DYNAP: variants seen among roughly 807,000 people sequenced by gnomAD.
The protein encoded by DYNAP is dynactin associated protein, also known as dynactin-associated protein.
In DYNAP, 7 loss-of-function variants were observed where a neutral mutation model predicts 8.5. The ratio of observed to expected loss-of-function variants is 0.82; its 90% CI spans 0.47 to 1.54. The LOEUF (loss-of-function observed/expected upper bound fraction) is 1.54, where lower values mean the gene tolerates loss of function less well. Among genes scored for constraint, DYNAP ranks in the 40% most tolerant of loss-of-function variants. The probability of loss-of-function intolerance (pLI) is 0.01; values close to 1 mark genes in which losing one functional copy is unlikely to be tolerated. For synonymous variants in DYNAP, 77 were observed against 77.9 expected, an observed-to-expected ratio of 0.99 and a Z score of 0.06; for missense variants, 256 against 224.3, an observed-to-expected ratio of 1.14 and a Z score of -0.90.
At chr18:54,592,565 C>A (rs772996115) in intron 1 of DYNAP, among the ~76,000 whole-genome samples, 1 of 152,050 alleles carries the variant, frequency 6.6e-6, no homozygotes, top group Non-Finnish European at 1.5e-5. Flanking sequence ...TAAGAAATCT[C>A]AAGTTAATCC....
the DYNAP span, among the ~76,000 whole-genome samples, chr18:54,578,348 G>C: frequency 1.3e-5 from 2 of 152,148 alleles, no homozygotes; most frequent in South Asian, 4.1e-4. Flanking sequence ...GTTACTTATT[G>C]CAATTAATGA....
chr18:54,580,169 C>T, the DYNAP span, among the ~76,000 whole-genome samples: 1 of 152,276 alleles, frequency 6.6e-6, no homozygotes, highest in South Asian at 2.1e-4. Context: ...AGCTCTCTAC[C>T]TATTCAAATT....
At chr18:54,580,968 A>C in the DYNAP span, among the ~76,000 whole-genome samples, 1 of 152,320 alleles carries the variant, frequency 6.6e-6, no homozygotes, top group East Asian at 1.9e-4. Flanking sequence ...ATAAAACCTC[A>C]CAAGGAAATC....
intron 1 of DYNAP, among the ~76,000 whole-genome samples, chr18:54,593,051 C>T (rs976826438): frequency 2.0e-5 from 3 of 152,058 alleles, no homozygotes; most frequent in East Asian, 3.8e-4. Context: ...TTCAAATTTG[C>T]ATAATGAATA....
chr18:54,579,417 T>C, the DYNAP span, among the ~76,000 whole-genome samples: 1 of 152,214 alleles, frequency 6.6e-6, no homozygotes, highest in Non-Finnish European at 1.5e-5. Context: ...CAGAAATTAA[T>C]CTTATATATG....
rs567351492 is a variant in DYNAP at position 54,598,242 on chromosome 18, G to T, written c.*97G>T. ...ATAGCTACTCCTATCACTTCAAGTG[G>T]AATCATGGCTGCAGTCACTTTAACA... On this transcript the variant is annotated 3_prime_UTR_variant, in exon 3 of 3. Transcript: ENST00000648945. 1 of 1,275,288 alleles carries T rather than the reference G, an allele frequency of 7.8e-7. No individual in the cohort carries two copies. The highest frequency in any genetic ancestry group is 1.5e-5 in the South Asian group (1 of 68,462). The allele number at this position is 1,275,288 out of a possible 1,614,324, so 79.0% of individuals were successfully genotyped here. A position where few individuals can be genotyped will look rare whatever the true frequency, so the allele number is the denominator to read the frequency against.
chr18:54,590,719 C>A (rs2144885639), upstream of DYNAP, among the ~76,000 whole-genome samples: 1 of 152,266 alleles, frequency 6.6e-6, no homozygotes, highest in African/African-American at 2.4e-5. Context: ...TATTCCATCA[C>A]TCCTTTGACA....
the DYNAP span, among the ~76,000 whole-genome samples, chr18:54,576,655 G>A: frequency 1.4e-5 from 2 of 145,652 alleles, no homozygotes; most frequent in East Asian, 2.0e-4. Flanking sequence ...AAAAAAAAAT[G>A]AGCTGAGAGT....
chr18:54,582,147 G>C, the DYNAP span, among the ~76,000 whole-genome samples: 1 of 152,090 alleles, frequency 6.6e-6, no homozygotes, highest in Non-Finnish European at 1.5e-5. Flanking sequence ...TTAGCCAAGC[G>C]TGGTGGCAGG....
At chr18:54,597,472 A>ATG (rs1053072567) in intron 2 of DYNAP, among the ~76,000 whole-genome samples, 1 of 152,146 alleles carries the variant, frequency 6.6e-6, no homozygotes, top group African/African-American at 2.4e-5. Flanking sequence ...GAGGCTGAAC[A>ATG]TGTGTGAGGG....
At chr18:54,580,643 TA>T in the DYNAP span, among the ~76,000 whole-genome samples, 1 of 152,238 alleles carries the variant, frequency 6.6e-6, no homozygotes, top group Non-Finnish European at 1.5e-5. Context: ...GTACTTTGAT[TA>T]AGTTATCTTT....
upstream of DYNAP, among the ~76,000 whole-genome samples, chr18:54,583,317 C>T (rs556329969): frequency 1.3e-5 from 2 of 152,150 alleles, no homozygotes; most frequent in East Asian, 2.0e-4. Flanking sequence ...ATAAAAGCTA[C>T]GTATTTATTA....
chr18:54,592,168 C>G (rs984607880), intron 1 of DYNAP, among the ~76,000 whole-genome samples: 13 of 151,670 alleles, frequency 8.6e-5, no homozygotes, highest in South Asian at 4.2e-4. Flanking sequence ...TCTGGTTCAC[C>G]AAAAGAACCA....
chr18:54,593,943 A>G (rs1911183896), intron 1 of DYNAP, among the ~76,000 whole-genome samples: 1 of 151,728 alleles, frequency 6.6e-6, no homozygotes, highest in Non-Finnish European at 1.5e-5. Context: ...CAACAAAACA[A>G]AACAGAACAA....
At chr18:54,577,404 T>C in the DYNAP span, among the ~76,000 whole-genome samples, 3 of 151,538 alleles carry the variant, frequency 2.0e-5, no homozygotes, top group Non-Finnish European at 4.4e-5. Flanking sequence ...CTGGGCAACA[T>C]AGTGAGACAC....
At chr18:54,576,094 G>C in the DYNAP span, among the ~76,000 whole-genome samples, 1 of 152,242 alleles carries the variant, frequency 6.6e-6, no homozygotes, top group South Asian at 2.1e-4. Context: ...TTATATATGT[G>C]TGTCCCTGTT....
chr18:54,579,067 G>A, the DYNAP span, among the ~76,000 whole-genome samples: 1 of 152,124 alleles, frequency 6.6e-6, no homozygotes, highest in Non-Finnish European at 1.5e-5. Flanking sequence ...CCAAAGTGCT[G>A]GGATTACAGG....
At chr18:54,584,513 G>A (rs924340084), upstream of DYNAP, among the ~76,000 whole-genome samples, 1 of 151,886 alleles carries the variant, frequency 6.6e-6, no homozygotes, top group Admixed American at 6.6e-5. Flanking sequence ...ATATAATCTG[G>A]GCAACTCCAC....
chr18:54,577,420 C>G, the DYNAP span, among the ~76,000 whole-genome samples: 1 of 151,248 alleles, frequency 6.6e-6, no homozygotes, highest in African/African-American at 2.4e-5. Flanking sequence ...GACACTGTCT[C>G]TAAAAAAAAA....
Sources: allele counts gnomAD v4.1 joint callset (sites outside exome capture counted in the v4.1 genomes callset), GRCh38; gene constraint gnomAD v4.1.1; transcripts MANE v1.5; gene names NCBI Gene and HGNC (gene_info 2026-07-23, HGNC 2026-07-21).